MYH10: variants seen among roughly 807,000 people sequenced by gnomAD.
MYH10 encodes the protein myosin-10.
In MYH10, 55 loss-of-function variants were observed where a neutral mutation model predicts 257.8. The observed-to-expected ratio is 0.21, with a 90% CI of 0.17 to 0.27. The LOEUF is 0.27. Among genes scored for constraint, MYH10 ranks in the 10% least tolerant of loss-of-function variants. The pLI, the probability that MYH10 is intolerant of heterozygous loss-of-function variation, is 1.00. For missense variants in MYH10, 1,631 were observed against 2,500.6 expected (o/e 0.65, Z 7.42); for synonymous variants, 854 against 921.7 (o/e 0.93, Z 1.33).
At position 8,506,658 on chromosome 17, in the gene MYH10, C is replaced by A. The variant is rs1195310102; in HGVS notation, c.3215-169G>T. ...TGTCAACTGCTCAGTCATTTCAAAC[C>A]CACCGAGATCTGGAGGGGAGATAAA... On this transcript the variant is annotated intron_variant, in intron 26 of 42. Transcript: ENST00000360416. The surrounding 1 kb of genome is among the most constrained non-coding windows in gnomAD (Gnocchi z 5.0). Among the ~76,000 whole-genome samples the A allele has an allele frequency of 6.6e-6, 1 of 150,800 alleles. No individual in the cohort carries two copies. Among genetic ancestry groups the A allele is most frequent in the Non-Finnish European group, 1.5e-5 (1 of 67,606 alleles).
chr17:8,489,706 AAAACACACACACACACAC>A lies in MYH10; in HGVS notation c.4884+616_4884+633del, dbSNP rs771477987. Among the ~76,000 whole-genome samples, 6 of 112,920 alleles carry A rather than the reference AAAACACACACACACACAC, an allele frequency of 5.3e-5. No individual in the cohort carries two copies. In the East Asian group the frequency reaches 9.4e-4, roughly 18 times the overall value. The allele number at this position is 112,920 out of a possible 152,430, so 74.1% of individuals were successfully genotyped here. ...GTGACAGAGCGAGACTCCGTCTGAA[AAAACACACACACACACAC>A]ACACACACACACACACACACACCCC... On this transcript the variant is annotated intron_variant, in intron 35 of 42. Transcript: ENST00000360416.
At chr17:8,489,708 A>ACACTCACACACACAC (rs1555570829) in intron 35 of MYH10, among the ~76,000 whole-genome samples, 1 of 93,084 alleles carries the variant, frequency 1.1e-5, no homozygotes, top group Non-Finnish European at 2.4e-5. Context: ...CGTCTGAAAA[A>ACACTCACACACACAC]ACACACACAC....
chr17:8,541,025 A>C (rs1395318949), intron 14 of MYH10, among the ~76,000 whole-genome samples: 1 of 152,274 alleles, frequency 6.6e-6, no homozygotes, highest in Non-Finnish European at 1.5e-5. Context: ...GTATTATAAA[A>C]GCCAAATGAA....
chr17:8,514,713 C>G (rs573369634), intron 21 of MYH10, among the ~76,000 whole-genome samples: 1 of 152,164 alleles, frequency 6.6e-6, no homozygotes, highest in Non-Finnish European at 1.5e-5. Flanking sequence ...TTTTTCTACT[C>G]CTTATGAAAC....
rs1298293718 is a variant in MYH10, at chr17:8,521,527, T to C, written c.1958-242A>G. 22 of 507,212 alleles carry C rather than the reference T, an allele frequency of 4.3e-5. No individual in the cohort carries two copies. The South Asian group carries it at 5.3e-4, about 12-fold the overall frequency. 31.4% of individuals were successfully genotyped at this position (507,212 alleles called of 1,614,324 possible). On this transcript the variant is annotated intron_variant, in intron 17 of 42. Coordinates refer to ENST00000360416, the MANE Select transcript of MYH10 (RefSeq NM_001256012.3). ...ACACCAACACACACCAGCAGATGCC[T>C]TCCGCTGCGCTAGTTTCAGGAATTC...
At chr17:8,592,945 A>ATATATATATATATATT (rs2084219551) in intron 3 of MYH10, among the ~76,000 whole-genome samples, 2 of 103,790 alleles carry the variant, frequency 1.9e-5, no homozygotes, top group African/African-American at 3.3e-5. Context: ...ATATATATAT[A>ATATATATATATATATT]TATATATATA....
chr17:8,584,658 T>A (rs2083829294), intron 4 of MYH10, among the ~76,000 whole-genome samples: 1 of 152,112 alleles, frequency 6.6e-6, no homozygotes, highest in Non-Finnish European at 1.5e-5. Context: ...ATTATCTAGT[T>A]CAAGGAGGGA....
At chr17:8,608,614 G>GTAAATTT (rs2084898916) in intron 2 of MYH10, among the ~76,000 whole-genome samples, 1 of 152,198 alleles carries the variant, frequency 6.6e-6, no homozygotes, top group Non-Finnish European at 1.5e-5. Context: ...ATCCTGAAGA[G>GTAAATTT]CTGCAAAGGC....
chr17:8,556,278 C>T (rs760739266), intron 7 of MYH10, among the ~76,000 whole-genome samples: 7 of 152,140 alleles, frequency 4.6e-5, no homozygotes, highest in Admixed American at 1.3e-4. Flanking sequence ...GTTTCACCCA[C>T]GAGAAAGGAA....
chr17:8,509,998 AC>A, intron 24 of MYH10, 49 bp from the exon 25 acceptor site: 1 of 275,054 alleles, frequency 3.6e-6, no homozygotes, highest in Non-Finnish European at 5.6e-6. Flanking sequence ...AGATTTGACC[AC>A]ACATTCATTG....
intron 9 of MYH10, among the ~76,000 whole-genome samples, chr17:8,551,093 C>T (rs1324103710): frequency 6.7e-6 from 1 of 150,366 alleles, no homozygotes; most frequent in East Asian, 2.0e-4. Flanking sequence ...TGTCCTATGA[C>T]CCTGCCAAGT....
At chr17:8,542,937 T>C (rs996149707) in intron 13 of MYH10, among the ~76,000 whole-genome samples, 2 of 152,236 alleles carry the variant, frequency 1.3e-5, no homozygotes, top group African/African-American at 4.8e-5. Context: ...AAAGTGATAT[T>C]GGACTGCCCT....
Position 8,481,429 on chromosome 17 carries a change from G to T in MYH10, c.5176-19C>A. ...CAAGTTCCTAAGCAGTGGAGACTGC[G>T]TTAAGCTCTGGCTGTGAATAGTTTC... On this transcript the variant is annotated intron_variant, in intron 37 of 42. Coordinates refer to ENST00000360416, the MANE Select transcript of MYH10 (RefSeq NM_001256012.3). The T allele has an allele frequency of 1.2e-6, 2 of 1,608,876 alleles. No individual in the cohort carries two copies. Among genetic ancestry groups the T allele is most frequent in the Non-Finnish European group, 1.7e-6 (2 of 1,175,964 alleles).
chr17:8,630,268 A>C (rs1598024125), intron 1 of MYH10, among the ~76,000 whole-genome samples: 2 of 139,630 alleles, frequency 1.4e-5, no homozygotes, highest in Admixed American at 7.1e-5. Context: ...CAGGGATCCC[A>C]CCCACCGAGA....
At chr17:8,625,908 T>A (rs1015311138) in intron 1 of MYH10, among the ~76,000 whole-genome samples, 11 of 152,126 alleles carry the variant, frequency 7.2e-5, no homozygotes, top group African/African-American at 2.2e-4. Context: ...TACCAGCAGG[T>A]ATGTTAGAGT....
Position 8,490,645 on chromosome 17 carries a change from T to C in MYH10, c.4672-93A>G. The C allele has an allele frequency of 7.5e-7, 1 of 1,326,380 alleles. No individual in the cohort carries two copies. The highest frequency in any genetic ancestry group is 1.1e-6 in the Non-Finnish European group (1 of 932,606). The allele number at this position is 1,326,380 out of a possible 1,614,324, so 82.2% of individuals were successfully genotyped here. ...CTGTTTTACAGGCCCACTCGTGGCATGCTGGCCACTTTGGTCCCCCTGGGC... is the reference window on the plus strand; with the variant it reads ...CTGTTTTACAGGCCCACTCGTGGCACGCTGGCCACTTTGGTCCCCCTGGGC... On this transcript the variant is annotated intron_variant, in intron 34 of 42. Coordinates refer to ENST00000360416, the MANE Select transcript of MYH10 (RefSeq NM_001256012.3). This position sits in a 1 kb window ranked among gnomAD's most constrained non-coding sequence, Gnocchi z 4.1.
rs1181432212 is a variant in MYH10 at position 8,490,071 on chromosome 17, G to A, written c.4884+269C>T. ...AGACAAGGAACTTGAACCTAACCAC[G>A]GATTCCTTTGGGAGTCCACTGAGGG... On this transcript the variant is annotated intron_variant, in intron 35 of 42. Transcript: ENST00000360416. The surrounding 1 kb of genome is among the most constrained non-coding windows in gnomAD (Gnocchi z 4.1). 1.3e-5 allele frequency among the ~76,000 whole-genome samples: 2 copies of A among 152,118 alleles called. No homozygotes were observed. Among genetic ancestry groups the A allele is most frequent in the African/African-American group, 4.8e-5 (2 of 41,400 alleles).
intron 6 of MYH10, among the ~76,000 whole-genome samples, chr17:8,575,890 T>C (rs1020530940): frequency 6.6e-6 from 1 of 152,230 alleles, no homozygotes. Context: ...TTCACTGCTA[T>C]GGTCTGTGGA....
In MYH10 at chr17:8,542,229, G is replaced by C. The variant is rs2082309966; in HGVS notation, c.1483C>G (p.Gln495Glu). ...CINYTNEKLQ[Q>E]LFNHTMFILE... ...ATAAACATGGTGTGGTTGAACAGCT[G>C]CTGCAGCTTCTCATTGGTGTAGTTG... is the stretch of plus-strand genomic sequence containing the variant. The change falls in exon 14 of 43, where the codon CAG (glutamine) becomes GAG (glutamate). Residue 495 changes from glutamine (Q) to glutamate (E), a missense_variant. Gln to Glu is a conservative substitution (Grantham distance 29, BLOSUM62 2). This residue lies in a region of MYH10 where 63 missense variants were observed against 167.9 expected (regional missense o/e 0.38). Coordinates refer to ENST00000360416, the MANE Select transcript of MYH10 (RefSeq NM_001256012.3). The C allele has an allele frequency of 6.2e-7, 1 of 1,614,060 alleles. No homozygotes were observed. The highest frequency in any genetic ancestry group is 2.2e-5 in the East Asian group (1 of 44,898).
Sources: allele counts gnomAD v4.1 joint callset (sites outside exome capture counted in the v4.1 genomes callset), GRCh38; gene constraint gnomAD v4.1.1; regional missense constraint gnomAD v4.1.1; non-coding constraint Gnocchi (gnomAD v3.1); transcripts MANE v1.5; gene names NCBI Gene and HGNC (gene_info 2026-07-23, HGNC 2026-07-21).